Variants in AMMECR1 observed in about 807,000 individuals in gnomAD.
AMMECR1 encodes the protein nuclear protein AMMECR1.
In AMMECR1, 3 loss-of-function variants were observed where a neutral mutation model predicts 22.5. That is an observed-to-expected ratio of 0.13 (90% CI 0.06 to 0.35). The LOEUF (loss-of-function observed/expected upper bound fraction) is 0.35, where lower values mean the gene tolerates loss of function less well. Among genes scored for constraint, AMMECR1 ranks in the 10% least tolerant of loss-of-function variants. The probability of loss-of-function intolerance (pLI) is 1.00; values close to 1 mark genes in which losing one functional copy is unlikely to be tolerated. For synonymous variants in AMMECR1, 130 were observed against 116.7 expected, an observed-to-expected ratio of 1.11 and a Z score of -0.74; for missense variants, 235 against 278.7, an observed-to-expected ratio of 0.84 and a Z score of 1.12.
At chrX:110,379,103 C>T (rs1052987923) in intron 2 of AMMECR1, among the ~76,000 whole-genome samples, 2 of 111,981 alleles carry the variant, frequency 1.8e-5, no homozygotes, top group African/African-American at 6.5e-5. Flanking sequence ...AACATGCTAG[C>T]TCTTTCATGA....
intron 1 of AMMECR1, among the ~76,000 whole-genome samples, chrX:110,267,073 T>C (rs946787092): frequency 7.1e-5 from 8 of 112,057 alleles, no homozygotes; most frequent in Admixed American, 3.8e-4. Flanking sequence ...CATATTTTCT[T>C]TATCCAGTCT....
At chrX:110,218,807 C>T (rs915783019) in intron 2 of AMMECR1, among the ~76,000 whole-genome samples, 1 of 110,995 alleles carries the variant, frequency 9.0e-6, no homozygotes, top group Non-Finnish European at 1.9e-5. Context: ...TGCATATTGG[C>T]ACCACTCCCA....
chrX:110,416,369 G>T (rs1033150576), intron 2 of AMMECR1, among the ~76,000 whole-genome samples: 1 of 111,930 alleles, frequency 8.9e-6, no homozygotes, highest in African/African-American at 3.2e-5. Flanking sequence ...ACCATGTCCC[G>T]GGCACATGGT....
chrX:110,433,189 C>T (rs989008237), intron 1 of AMMECR1, among the ~76,000 whole-genome samples: 3 of 112,517 alleles, frequency 2.7e-5, no homozygotes, highest in African/African-American at 6.5e-5. Context: ...CCGAGCCTGA[C>T]GTCACATAGT....
intron 2 of AMMECR1, among the ~76,000 whole-genome samples, chrX:110,260,749 C>G (rs1262552054): frequency 9.0e-6 from 1 of 111,390 alleles, no homozygotes; most frequent in Non-Finnish European, 1.9e-5. Context: ...ATGTTCATCG[C>G]AGCATTATTC....
At chrX:110,212,999 T>C (rs1214081150) in intron 3 of AMMECR1, among the ~76,000 whole-genome samples, 2 of 111,979 alleles carry the variant, frequency 1.8e-5, no homozygotes, top group Non-Finnish European at 3.8e-5. Flanking sequence ...GACTCACATT[T>C]CTCTCATTAT....
intron 1 of AMMECR1, among the ~76,000 whole-genome samples, chrX:110,317,241 G>A (rs2068053120): frequency 9.0e-6 from 1 of 111,499 alleles, no homozygotes; most frequent in African/African-American, 3.3e-5. Context: ...AAAGTGAGGA[G>A]AGGTCAACAC....
At chrX:110,227,659 T>C (rs746713788) in intron 2 of AMMECR1, among the ~76,000 whole-genome samples, 1 of 111,482 alleles carries the variant, frequency 9.0e-6, no homozygotes, top group African/African-American at 3.3e-5. Context: ...AAGAACAGAA[T>C]GGGGGTGGAG....
chrX:110,423,148 C>A (rs1374420895), intron 2 of AMMECR1, among the ~76,000 whole-genome samples: 1 of 110,755 alleles, frequency 9.0e-6, no homozygotes, highest in Admixed American at 9.6e-5. Context: ...GCCAACATGG[C>A]GAAACCCTGT....
In AMMECR1 at chrX:110,348,660, T is replaced by C. The variant is rs985615579; in HGVS notation, c.-147-30811A>G. 2.7e-5 allele frequency among the ~76,000 whole-genome samples: 3 copies of C among 112,399 alleles called. No homozygotes were observed. In the Admixed American group the frequency reaches 2.8e-4, roughly 11 times the overall value. On this transcript the variant is annotated intron_variant, in intron 2 of 7. Coordinates refer to the AMMECR1 transcript ENST00000372057. ...GTAGATTTTTATTCAAATGGAAAGA[T>C]ATCAAAAATATACTGTCGAGTAAAA...
intron 1 of AMMECR1, among the ~76,000 whole-genome samples, chrX:110,313,721 G>T (rs2148225135): frequency 9.0e-6 from 1 of 111,274 alleles, no homozygotes; most frequent in African/African-American, 3.3e-5. Context: ...TCATACCACA[G>T]GTTTCCAAGA....
At chrX:110,262,837 T>G (rs1047773345) in intron 2 of AMMECR1, among the ~76,000 whole-genome samples, 4 of 111,835 alleles carry the variant, frequency 3.6e-5, no homozygotes, top group African/African-American at 1.3e-4. Context: ...ATGTTTTCCT[T>G]GGAACACTCA....
At chrX:110,232,493 A>C (rs1238340023) in intron 2 of AMMECR1, among the ~76,000 whole-genome samples, 1 of 111,912 alleles carries the variant, frequency 8.9e-6, no homozygotes, top group African/African-American at 3.3e-5. Flanking sequence ...AACGTACCGG[A>C]ATCTCTGGGA....
intron 2 of AMMECR1, among the ~76,000 whole-genome samples, chrX:110,236,090 C>T (rs957212248): frequency 8.9e-6 from 1 of 111,980 alleles, no homozygotes; most frequent in Non-Finnish European, 1.9e-5. Flanking sequence ...GTGATAACAG[C>T]TCTGCTCCCC....
chrX:110,222,292 T>G (rs1276213651), intron 2 of AMMECR1, among the ~76,000 whole-genome samples: 2 of 90,111 alleles, frequency 2.2e-5, no homozygotes, highest in East Asian at 7.0e-4. Flanking sequence ...TCATGTCCTT[T>G]GTAGGGACAT....
At chrX:110,308,976 A>G (rs978167273) in intron 1 of AMMECR1, among the ~76,000 whole-genome samples, 4 of 111,792 alleles carry the variant, frequency 3.6e-5, no homozygotes, top group African/African-American at 1.3e-4. Flanking sequence ...TAAACACTTC[A>G]CTTTTGTTCA....
chrX:110,303,406 A>G (rs767937312), intron 1 of AMMECR1, among the ~76,000 whole-genome samples: 70 of 111,867 alleles, frequency 6.3e-4, no homozygotes, highest in African/African-American at 2.1e-3. Context: ...ATGAAGTTGA[A>G]ATCTAAATAG....
intron 2 of AMMECR1, among the ~76,000 whole-genome samples, chrX:110,370,258 G>T (rs1283934419): frequency 1.8e-5 from 2 of 110,565 alleles, no homozygotes; most frequent in Non-Finnish European, 3.8e-5. Flanking sequence ...ACCCAGGCTG[G>T]AGTGCAATGG....
chrX:110,275,988 TTCTC>T (rs1171463723), intron 1 of AMMECR1, among the ~76,000 whole-genome samples: 4 of 111,351 alleles, frequency 3.6e-5, no homozygotes, highest in South Asian at 7.5e-4. Flanking sequence ...TTCTGCCTAT[TTCTC>T]TCTCTCCTTT....
Sources: allele counts gnomAD v4.1 joint callset (sites outside exome capture counted in the v4.1 genomes callset), GRCh38; gene constraint gnomAD v4.1.1; transcripts MANE v1.5; gene names NCBI Gene and HGNC (gene_info 2026-07-23, HGNC 2026-07-21).